The following ANXA2 variants were observed in gnomAD, a reference collection of about 807,000 sequenced individuals.
The protein encoded by ANXA2 is annexin A2, also known as annexin II.
ANXA2 carries 28 observed loss-of-function variants against 47.3 expected under a neutral mutation model. The observed-to-expected ratio is 0.59, with a 90% CI of 0.44 to 0.81. ANXA2 has a LOEUF of 0.81. Among genes scored for constraint, ANXA2 ranks in the 40% least tolerant of loss-of-function variants. The pLI is 0.00. For synonymous variants in ANXA2, 172 were observed against 155.5 expected (o/e 1.11, Z -0.79); for missense variants, 384 against 414.3 (o/e 0.93, Z 0.64).
At chr15:60,388,818 T>G (rs1390810423) in intron 1 of ANXA2, among the ~76,000 whole-genome samples, 2 of 150,658 alleles carry the variant, frequency 1.3e-5, no homozygotes, top group Non-Finnish European at 1.5e-5. Flanking sequence ...CATAGCTCAC[T>G]GCAGCCTTGA....
rs1195681359 is a variant in ANXA2, at chr15:60,360,927, T to C, written c.357+14A>G. 2.7e-6 allele frequency: 4 copies of C among 1,496,586 alleles called. No individual in the cohort carries two copies. The highest frequency in any genetic ancestry group is 3.7e-6 in the Non-Finnish European group (4 of 1,073,466). 92.7% of individuals were successfully genotyped at this position (1,496,586 alleles called of 1,614,324 possible). On this transcript the variant is annotated intron_variant, in intron 5 of 12. Coordinates refer to ENST00000451270, the MANE Select transcript of ANXA2 (RefSeq NM_004039.3). ...TAGCAGATTTGACAGAGATGACATC[T>C]CACATGCATTTACCTTCATGGAAGC...
At chr15:60,358,670 C>A (rs1176872647) in intron 5 of ANXA2, among the ~76,000 whole-genome samples, 1 of 152,156 alleles carries the variant, frequency 6.6e-6, no homozygotes, top group African/African-American at 2.4e-5. Context: ...TCCAGCAAAG[C>A]CAAAAATTCT....
At position 60,372,724 on chromosome 15, in the gene ANXA2, C is replaced by T. The variant is rs866816763; in HGVS notation, c.149-8201G>A. Among the ~76,000 whole-genome samples, 8 of 145,878 alleles carry T rather than the reference C, an allele frequency of 5.5e-5. No individual in the cohort carries two copies. The South Asian group carries it at 1.1e-3, about 20-fold the overall frequency. On this transcript the variant is annotated intron_variant, in intron 3 of 12. Coordinates refer to ENST00000451270, the MANE Select transcript of ANXA2 (RefSeq NM_004039.3). ...TTTTTTTTTTTTTTAAACAGGGTCT[C>T]ACTCTGTTGACCAGGCTGGAGTACA...
chr15:60,347,708 G>C lies in ANXA2; in HGVS notation c.961-19C>G, dbSNP rs767897325. On this transcript the variant is annotated intron_variant, in intron 12 of 12. Transcript: ENST00000451270. ...TGTCTTGCTACAATGGCCCAGGAAA[G>C]AAAAGAAACGTGGTATCAGAAAAAA... 6.2e-7 allele frequency: 1 copy of C among 1,612,912 alleles called. No individual in the cohort carries two copies. The highest frequency in any genetic ancestry group is 1.1e-5 in the South Asian group (1 of 91,054).
intron 1 of ANXA2, among the ~76,000 whole-genome samples, chr15:60,392,160 G>A (rs920338521): frequency 6.6e-6 from 1 of 152,148 alleles, no homozygotes; most frequent in Non-Finnish European, 1.5e-5. Context: ...CCACCCTAAT[G>A]AAAAGAACAG....
chr15:60,363,946 T>C (rs1456608312), intron 4 of ANXA2, among the ~76,000 whole-genome samples: 2 of 152,212 alleles, frequency 1.3e-5, no homozygotes, highest in Admixed American at 6.5e-5. Context: ...TGGCCCAAAG[T>C]AAGCACTCAA....
In ANXA2 at chr15:60,351,246, A is replaced by T; in HGVS notation, c.784T>A (p.Cys262Ser). The change falls in exon 11 of 13, where the codon TGC becomes AGC. Residue 262 changes from cysteine to serine, a missense_variant. Transcript: ENST00000451270. ...AAATACAGGGGCTTGTTCTGAATGC[A>T]CTGAACTGTGGAGAGAAGAAAGGGA... ...LENAFLNLVQ[C>S]IQNKPLYFAD... The T allele has an allele frequency of 6.2e-7, 1 of 1,614,222 alleles. No homozygotes were observed. The highest frequency in any genetic ancestry group is 8.5e-7 in the Non-Finnish European group (1 of 1,180,032).
intron 5 of ANXA2, among the ~76,000 whole-genome samples, chr15:60,360,589 A>G (rs2062498225): frequency 6.6e-6 from 1 of 152,076 alleles, no homozygotes; most frequent in Non-Finnish European, 1.5e-5. Context: ...AGCTTCACTT[A>G]ACAAAAGCTA....
At chr15:60,362,920 A>G (rs2062537194) in intron 4 of ANXA2, 1 of 150,436 alleles carries the variant, frequency 6.6e-6, no homozygotes, top group Non-Finnish European at 1.5e-5. Context: ...CTGTAATCCC[A>G]GCAGTTTGGG....
chr15:60,355,116 T>C (rs1366396087), intron 7 of ANXA2, among the ~76,000 whole-genome samples: 1 of 152,088 alleles, frequency 6.6e-6, no homozygotes, highest in East Asian at 1.9e-4. Flanking sequence ...GCGGGAAAGA[T>C]GAGCAAAGAA....
chr15:60,394,306 G>C lies in ANXA2; in HGVS notation c.-12+3637C>G, dbSNP rs114406387. ...CATGGACAAAGGGCTCCATAACACA[G>C]TCACTCCCTAGAATAAGAAATTTCT... On this transcript the variant is annotated intron_variant, in intron 1 of 12. Transcript: ENST00000451270. Among the ~76,000 whole-genome samples, 677 of 152,268 alleles carry C rather than the reference G, an allele frequency of 4.4e-3. 2 individuals are homozygous for C. The highest frequency in any genetic ancestry group is 0.016 in the African/African-American group (653 of 41,540).
intron 10 of ANXA2, 41 bp downstream of exon 10, chr15:60,351,683 G>T: frequency 7.5e-7 from 1 of 1,329,976 alleles, no homozygotes; most frequent in Non-Finnish European, 1.1e-6. Flanking sequence ...TTCTGCTCTG[G>T]TAGCTGATGT....
intron 3 of ANXA2, among the ~76,000 whole-genome samples, chr15:60,375,771 T>C (rs2062767637): frequency 6.6e-6 from 1 of 152,190 alleles, no homozygotes; most frequent in Admixed American, 6.5e-5. Flanking sequence ...AGCAGACTTA[T>C]TTTGATTTTA....
At chr15:60,378,723 T>A (rs1358037733) in intron 3 of ANXA2, among the ~76,000 whole-genome samples, 1 of 152,180 alleles carries the variant, frequency 6.6e-6, no homozygotes, top group Non-Finnish European at 1.5e-5. Context: ...CCCAGCACTT[T>A]GGGAGGCTGA....
chr15:60,379,625 A>G (rs1211600723), intron 3 of ANXA2, among the ~76,000 whole-genome samples: 1 of 152,238 alleles, frequency 6.6e-6, no homozygotes, highest in African/African-American at 2.4e-5. Flanking sequence ...CCTGACTTGT[A>G]TCATCCAAGA....
chr15:60,363,451 C>T (rs905818685), intron 4 of ANXA2, among the ~76,000 whole-genome samples: 42 of 152,182 alleles, frequency 2.8e-4, no homozygotes, highest in African/African-American at 1.0e-3. Context: ...AGAATCCTTC[C>T]AGCTCACCTC....
At chr15:60,379,275 C>G (rs2062823813) in intron 3 of ANXA2, among the ~76,000 whole-genome samples, 1 of 151,836 alleles carries the variant, frequency 6.6e-6, no homozygotes, top group South Asian at 2.1e-4. Flanking sequence ...GAAACTCCAT[C>G]TCAAAAAAAT....
intron 3 of ANXA2, among the ~76,000 whole-genome samples, chr15:60,370,494 T>C (rs779209000): frequency 1.3e-5 from 2 of 152,236 alleles, no homozygotes; most frequent in African/African-American, 4.8e-5. Flanking sequence ...ACACTGCTGC[T>C]TCCTCTTGCC....
chr15:60,390,355 T>C (rs2062991944), intron 1 of ANXA2: 2 of 795,884 alleles, frequency 2.5e-6, no homozygotes, highest in Admixed American at 2.9e-5. Flanking sequence ...CCCATGCCGA[T>C]AGCATTCCGG....
Sources: allele counts gnomAD v4.1 joint callset (sites outside exome capture counted in the v4.1 genomes callset), GRCh38; gene constraint gnomAD v4.1.1; transcripts MANE v1.5; gene names NCBI Gene and HGNC (gene_info 2026-07-23, HGNC 2026-07-21).